The following FAT1 variants were observed in gnomAD, a reference collection of about 807,000 sequenced individuals.
FAT1 encodes the protein protocadherin Fat 1.
In FAT1, 171 loss-of-function variants were observed where a neutral mutation model predicts 329.8. The ratio of observed to expected loss-of-function variants is 0.52; its 90% CI spans 0.46 to 0.59. FAT1 has a LOEUF of 0.59. Among genes scored for constraint, FAT1 ranks in the 20% least tolerant of loss-of-function variants. FAT1 has a pLI of 0.00. For missense variants in FAT1, 5,672 were observed against 5,774.4 expected (o/e 0.98, Z 0.57); for synonymous variants, 2,233 against 2,228.6 (o/e 1.00, Z -0.06).
At chr4:186,595,002 GT>G (rs1738432731) in intron 26 of FAT1, among the ~76,000 whole-genome samples, 3 of 152,054 alleles carry the variant, frequency 2.0e-5, no homozygotes, top group Middle Eastern at 3.4e-3. Flanking sequence ...GAATATTGAC[GT>G]TTTTCTCTAC....
At chr4:186,641,136 A>C (rs539733466) in intron 3 of FAT1, among the ~76,000 whole-genome samples, 1 of 152,384 alleles carries the variant, frequency 6.6e-6, no homozygotes, top group Admixed American at 6.5e-5. Flanking sequence ...CACTTAATTC[A>C]AAGGTTTTTT....
In FAT1 at chr4:186,603,959, G is replaced by A. The variant is rs1462602438; in HGVS notation, c.10567C>T (p.Pro3523Ser). The change falls in exon 19 of 27, where the codon CCT becomes TCT. Residue 3523 changes from proline to serine, a missense_variant. Pro to Ser is a moderately conservative substitution (Grantham distance 74, BLOSUM62 -1). Transcript: ENST00000441802. The stretch of plus-strand genomic sequence containing the variant: ...ATGTATGTCAAAGATGACAACTGAG[G>A]CTTTCCATTATCTGCCACCTACAAG... ...LQVKVADNGKPQLSSLTYIDI... is the reference protein window; with the variant it reads ...LQVKVADNGKSQLSSLTYIDI... 6.2e-7 allele frequency: 1 copy of A among 1,610,906 alleles called. No individual in the cohort carries two copies. The highest frequency in any genetic ancestry group is 1.1e-5 in the South Asian group (1 of 91,036).
In FAT1 at chr4:186,619,036, G is replaced by A. The variant is rs199785192; in HGVS notation, c.7550C>T (p.Thr2517Met). ...LHTLVMEVKT[T>M]DGDSGIYGHV... The stretch of plus-strand genomic sequence containing the variant: ...ACCATAAATACCAGAATCCCCATCC[G>A]TAGTTTTCACCTCCATCACCAGGGT... The change falls in exon 10 of 27, where the codon ACG (threonine) becomes ATG (methionine). Residue 2517 changes from threonine to methionine, a missense_variant. By Grantham distance (81) the Thr-to-Met change is moderately conservative. Around this residue, in one of 2 missense-constraint regions of FAT1, gnomAD observed 3,966 missense variants for 3,915.2 expected, o/e 1.01. Coordinates refer to ENST00000441802, the MANE Select transcript of FAT1 (RefSeq NM_005245.4). 2.2e-4 allele frequency: 348 copies of A among 1,613,960 alleles called. No individual in the cohort carries two copies. The highest frequency in any genetic ancestry group is 2.7e-4 in the Non-Finnish European group (324 of 1,179,884).
At chr4:186,662,240 C>T (rs1481752582) in intron 3 of FAT1, among the ~76,000 whole-genome samples, 2 of 152,268 alleles carry the variant, frequency 1.3e-5, no homozygotes, top group East Asian at 3.9e-4. Flanking sequence ...CCTCACAATT[C>T]TTATATACCT....
intron 2 of FAT1, among the ~76,000 whole-genome samples, chr4:186,671,721 A>T (rs1303187240): frequency 6.6e-6 from 1 of 152,140 alleles, no homozygotes; most frequent in Non-Finnish European, 1.5e-5. Context: ...AAATAAAAAT[A>T]AAAATAACGA....
chr4:186,704,229 A>G (rs767524380), intron 2 of FAT1, among the ~76,000 whole-genome samples: 4 of 152,156 alleles, frequency 2.6e-5, no homozygotes, highest in Non-Finnish European at 5.9e-5. Context: ...CACACTGCCC[A>G]CAATCCCAAC....
At chr4:186,680,893 G>C (rs1283252704) in intron 2 of FAT1, among the ~76,000 whole-genome samples, 1 of 152,130 alleles carries the variant, frequency 6.6e-6, no homozygotes, top group Admixed American at 6.5e-5. Context: ...TTTTCTGATT[G>C]GTGAGGGAAA....
chr4:186,652,847 A>G (rs1162883393), intron 3 of FAT1, among the ~76,000 whole-genome samples: 1 of 152,222 alleles, frequency 6.6e-6, no homozygotes, highest in African/African-American at 2.4e-5. Context: ...GGACTAACAC[A>G]TGATGAGCAC....
intron 3 of FAT1, among the ~76,000 whole-genome samples, chr4:186,645,449 C>T (rs1215291964): frequency 8.8e-6 from 1 of 113,434 alleles, no homozygotes; most frequent in Non-Finnish European, 1.8e-5. Flanking sequence ...GATATATCCA[C>T]ATATGTATAT....
At chr4:186,713,750 G>A (rs958358189) in intron 1 of FAT1, among the ~76,000 whole-genome samples, 2 of 151,866 alleles carry the variant, frequency 1.3e-5, no homozygotes, top group Non-Finnish European at 1.5e-5. Context: ...TGAGCTTTCC[G>A]GGCCCCCGTC....
In FAT1 at chr4:186,597,020, G is replaced by A. The variant is rs2126393571; in HGVS notation, c.12520C>T (p.Pro4174Ser). The A allele has an allele frequency of 6.2e-7, 1 of 1,613,948 alleles. No homozygotes were observed. Among genetic ancestry groups the A allele is most frequent in the Non-Finnish European group, 8.5e-7 (1 of 1,179,890 alleles). Residue 4174 changes from proline to serine, a missense_variant, in exon 25 of 27, where the codon CCG becomes TCG. By Grantham distance (74) the Pro-to-Ser change is moderately conservative. Transcript: ENST00000441802. Reference sequence around the variant, plus strand: ...CCTTCCGCCAACCCAATGTTCCACGGCGTGGACACATACTGGTTGGGCGCA... The same window carrying A: ...CCTTCCGCCAACCCAATGTTCCACGACGTGGACACATACTGGTTGGGCGCA... ...DAAPNQYVST[P>S]WNIGLAEGIG...
Position 186,620,472 on chromosome 4 carries a change from G to A in FAT1, c.6114C>T (p.Pro2038=), listed in dbSNP as rs753173445. 1.9e-5 allele frequency: 30 copies of A among 1,614,022 alleles called. No individual in the cohort carries two copies. In the East Asian group the frequency reaches 6.0e-4, roughly 32 times the overall value. Residue 2038 remains proline (P), a synonymous_variant, in exon 10 of 27, where the codon CCC becomes CCT. Transcript: ENST00000441802. ...TSGVLSTTGT[P]FDREQQEAFD... ...ACGCCTCCTGCTGCTCACGATCGAAGGGCGTGCCAGTGGTTGACAGAACTC... is the reference window on the plus strand; with the variant it reads ...ACGCCTCCTGCTGCTCACGATCGAAAGGCGTGCCAGTGGTTGACAGAACTC...
chr4:186,591,699 C>T (rs1398258897), intron 26 of FAT1, among the ~76,000 whole-genome samples: 2 of 152,148 alleles, frequency 1.3e-5, no homozygotes, highest in African/African-American at 2.4e-5. Flanking sequence ...TTCTGATTTG[C>T]CCAGTGAAAA....
In FAT1 at chr4:186,611,469, C is replaced by T. The variant is rs1331743336; in HGVS notation, c.9770G>A (p.Arg3257Gln). Residue 3257 changes from arginine (R) to glutamine (Q), a missense_variant, in exon 14 of 27, where the codon CGG (arginine) becomes CAG (glutamine). Physicochemically the swap from Arg to Gln is conservative, Grantham distance 43. Around this residue, in one of 2 missense-constraint regions of FAT1, gnomAD observed 1,706 missense variants for 1,859.1 expected, o/e 0.92. Transcript: ENST00000441802. ...TEVLQVYAAS[R>Q]DIEANAEITY... The stretch of plus-strand genomic sequence containing the variant: ...GATTTCTGCATTTGCTTCAATATCC[C>T]GACTTGCTGCATACACTTGAAGAAC... 12 of 1,613,688 alleles carry T rather than the reference C, an allele frequency of 7.4e-6. No homozygotes were observed. In the East Asian group the frequency reaches 2.0e-4, roughly 27 times the overall value.
intron 18 of FAT1, 46 bp downstream of exon 18, chr4:186,604,331 C>A: frequency 1.3e-6 from 2 of 1,517,380 alleles, no homozygotes; most frequent in Non-Finnish European, 9.0e-7. Flanking sequence ...CCAAGCAGCT[C>A]TTCTCTATGA....
intron 3 of FAT1, among the ~76,000 whole-genome samples, chr4:186,656,219 G>A (rs1344551185): frequency 6.6e-6 from 1 of 152,212 alleles, no homozygotes; most frequent in Non-Finnish European, 1.5e-5. Context: ...TATGACTTGG[G>A]CGTGACACAG....
intron 2 of FAT1, among the ~76,000 whole-genome samples, chr4:186,692,257 T>C (rs1479059829): frequency 6.6e-6 from 1 of 152,260 alleles, no homozygotes; most frequent in African/African-American, 2.4e-5. Context: ...AACTCTAATA[T>C]AAGCTAAAAT....
At chr4:186,667,500 G>A (rs1283282701) in intron 2 of FAT1, among the ~76,000 whole-genome samples, 1 of 152,168 alleles carries the variant, frequency 6.6e-6, no homozygotes, top group Non-Finnish European at 1.5e-5. Context: ...TGCCTATCGT[G>A]ATTGCTGAGA....
At chr4:186,671,901 AAT>A (rs1475471498) in intron 2 of FAT1, among the ~76,000 whole-genome samples, 1 of 152,068 alleles carries the variant, frequency 6.6e-6, no homozygotes, top group Non-Finnish European at 1.5e-5. Context: ...TGTGGACTAA[AAT>A]AGAACAAGAA....
Sources: gnomAD v4.1 joint callset for allele counts (sites outside exome capture counted in the v4.1 genomes callset) on GRCh38, gnomAD v4.1.1 for gene constraint, gnomAD v4.1.1 regional missense constraint, MANE v1.5 for transcripts, NCBI Gene and HGNC (gene_info 2026-07-23, HGNC 2026-07-21) for gene names.